The following APH1B variants were observed in gnomAD, a reference collection of about 807,000 sequenced individuals.
APH1B encodes gamma-secretase subunit APH-1B.
In APH1B, 27 loss-of-function variants were observed where a neutral mutation model predicts 28.2. The observed-to-expected ratio is 0.96, with a 90% confidence interval of 0.70 to 1.32. APH1B has a LOEUF of 1.32. Among genes scored for constraint, APH1B ranks in the 40% most tolerant of loss-of-function variants. The pLI, the probability that APH1B is intolerant of heterozygous loss-of-function variation, is 0.00. For synonymous variants in APH1B, 141 were observed against 124.6 expected, an observed-to-expected ratio of 1.13 and a Z score of -0.88; for missense variants, 305 against 313.6, an observed-to-expected ratio of 0.97 and a Z score of 0.21.
At chr15:63,293,743 G>A (rs1236852138) in intron 4 of APH1B, among the ~76,000 whole-genome samples, 4 of 152,010 alleles carry the variant, frequency 2.6e-5, no homozygotes, top group Admixed American at 6.6e-5. Flanking sequence ...TCATCTGCCC[G>A]CTTTGGCCTT....
In APH1B at chr15:63,308,656, C is replaced by T. The variant is rs2038711470; in HGVS notation, c.*2875C>T. On this transcript the variant is annotated 3_prime_UTR_variant, in exon 6 of 6. Transcript: ENST00000261879. ...CCTCCCATTCACCTCAGCCCAGCCC[C>T]AGACAGGCGTTAGCATTCAGTGTGG... 6.6e-6 allele frequency: 1 copy of T among 152,298 alleles called. No individual in the cohort carries two copies. Among genetic ancestry groups the T allele is most frequent in the Non-Finnish European group, 1.5e-5 (1 of 68,098 alleles). 9.4% of individuals were successfully genotyped at this position (152,298 alleles called of 1,614,324 possible).
At chr15:63,282,968 T>G in intron 2 of APH1B, among the ~76,000 whole-genome samples, 1 of 152,184 alleles carries the variant, frequency 6.6e-6, no homozygotes, top group East Asian at 1.9e-4. Context: ...AAATTTGAAT[T>G]GTTTCTTTTT....
At chr15:63,279,542 T>C (rs1026787056) in intron 2 of APH1B, among the ~76,000 whole-genome samples, 10 of 152,306 alleles carry the variant, frequency 6.6e-5, no homozygotes, top group Non-Finnish European at 1.0e-4. Context: ...TTCAAAAAAA[T>C]ATTTCTTGAG....
At chr15:63,297,198 A>G (rs563917201) in intron 4 of APH1B, among the ~76,000 whole-genome samples, 1 of 152,314 alleles carries the variant, frequency 6.6e-6, no homozygotes, top group African/African-American at 2.4e-5. Flanking sequence ...TGATATTCTT[A>G]TGGTTAACTT....
At chr15:63,288,258 A>G (rs1456879397) in intron 4 of APH1B, among the ~76,000 whole-genome samples, 3 of 152,230 alleles carry the variant, frequency 2.0e-5, no homozygotes, top group Non-Finnish European at 2.9e-5. Flanking sequence ...AAAGCTCCTC[A>G]GGGAGCTTAT....
intron 2 of APH1B, among the ~76,000 whole-genome samples, chr15:63,281,636 A>C (rs927226241): frequency 4.6e-5 from 7 of 151,958 alleles, no homozygotes; most frequent in African/African-American, 1.7e-4. Context: ...TGACAAAATG[A>C]GTATGGGCTG....
chr15:63,283,129 T>C (rs1488514499), intron 2 of APH1B, among the ~76,000 whole-genome samples: 1 of 152,228 alleles, frequency 6.6e-6, no homozygotes, highest in East Asian at 1.9e-4. Flanking sequence ...TCCTCCCACG[T>C]ACTTCCATAA....
intron 2 of APH1B, among the ~76,000 whole-genome samples, chr15:63,280,194 A>G (rs923652174): frequency 3.3e-5 from 5 of 152,178 alleles, no homozygotes; most frequent in African/African-American, 1.2e-4. Flanking sequence ...GTAGTTTTAA[A>G]TCTATAATAG....
Position 63,302,372 on chromosome 15 carries a change from T to G in APH1B, c.506T>G (p.Leu169Arg). 6.2e-7 allele frequency: 1 copy of G among 1,614,148 alleles called. No individual in the cohort carries two copies. Among genetic ancestry groups the G allele is most frequent in the Non-Finnish European group, 8.5e-7 (1 of 1,179,998 alleles). The change falls in exon 5 of 6, where the codon CTG becomes CGG. Residue 169 changes from leucine (L) to arginine (R), a missense_variant. Leu to Arg is a moderately radical substitution (Grantham distance 102). Coordinates refer to ENST00000261879, the MANE Select transcript of APH1B (RefSeq NM_031301.4). ...TTCATGACGCTGGTCATTATCTTGC[T>G]GCATGTATTCTGGGGCATTGTATTT... Reference protein sequence around the residue: ...SAFMTLVIILLHVFWGIVFFD... With the variant: ...SAFMTLVIILRHVFWGIVFFD...
intron 4 of APH1B, among the ~76,000 whole-genome samples, chr15:63,302,048 A>G (rs2038635129): frequency 6.6e-6 from 1 of 152,212 alleles, no homozygotes; most frequent in African/African-American, 2.4e-5. Flanking sequence ...GCTCACTGGG[A>G]AAAAGCTGGC....
Position 63,277,806 on chromosome 15 carries a change from C to T in APH1B, c.113+70C>T. 2.1e-6 allele frequency: 3 copies of T among 1,460,706 alleles called. No individual in the cohort carries two copies. The South Asian group carries it at 3.6e-5, about 17-fold the overall frequency. The allele number at this position is 1,460,706 out of a possible 1,614,324, so 90.5% of individuals were successfully genotyped here. A position where few individuals can be genotyped will look rare whatever the true frequency, so the allele number is the denominator to read the frequency against. On this transcript the variant is annotated intron_variant, in intron 1 of 5. Coordinates refer to ENST00000261879, the MANE Select transcript of APH1B (RefSeq NM_031301.4). ...CCCCGCTGGGGTTACCCGCGACCCT[C>T]GGCGCCCCCACCGCGCGGCTCGACC...
intron 4 of APH1B, among the ~76,000 whole-genome samples, chr15:63,295,109 T>G (rs1297068473): frequency 6.6e-6 from 1 of 152,264 alleles, no homozygotes; most frequent in Non-Finnish European, 1.5e-5. Context: ...TCTTATGGGC[T>G]TAGCTTTGCT....
intron 2 of APH1B, among the ~76,000 whole-genome samples, chr15:63,284,397 A>G (rs2038423778): frequency 6.6e-6 from 1 of 152,026 alleles, no homozygotes; most frequent in African/African-American, 2.4e-5. Context: ...TATTTTCTGT[A>G]GAGATGGGGA....
At position 63,296,566 on chromosome 15, in the gene APH1B, C is replaced by T. The variant is rs530559277; in HGVS notation, c.479-5779C>T. Among the ~76,000 whole-genome samples the T allele has an allele frequency of 9.9e-5, 15 of 152,022 alleles. No homozygotes were observed. In the East Asian group the frequency reaches 2.5e-3, roughly 25 times the overall value. ...GCATCGGGAATGAGGGAAAGGAACA[C>T]GTGTGAAAATGAAGGTGCTTATGAA... is the stretch of plus-strand genomic sequence containing the variant. On this transcript the variant is annotated intron_variant, in intron 4 of 5. Coordinates refer to ENST00000261879, the MANE Select transcript of APH1B (RefSeq NM_031301.4).
chr15:63,294,257 A>G (rs1236077941), intron 4 of APH1B, among the ~76,000 whole-genome samples: 1 of 152,122 alleles, frequency 6.6e-6, no homozygotes, highest in Non-Finnish European at 1.5e-5. Flanking sequence ...TACATATTTT[A>G]TTAATTACAT....
At chr15:63,301,916 T>C (rs537340946) in intron 4 of APH1B, among the ~76,000 whole-genome samples, 1 of 152,350 alleles carries the variant, frequency 6.6e-6, no homozygotes, top group African/African-American at 2.4e-5. Context: ...TGGCCATGAT[T>C]TTAATATTTT....
intron 2 of APH1B, among the ~76,000 whole-genome samples, chr15:63,281,542 AAAAAAAAAAC>A (rs1190779465): frequency 5.3e-5 from 7 of 132,724 alleles, no homozygotes; most frequent in South Asian, 2.3e-4. Flanking sequence ...TTGAAAAAAA[AAAAAAAAAAC>A]AAAAAAAAAC....
intron 4 of APH1B, among the ~76,000 whole-genome samples, chr15:63,296,658 CTTTTT>C (rs753821606): frequency 1.5e-5 from 2 of 137,438 alleles, no homozygotes; most frequent in East Asian, 2.1e-4. Context: ...AATGTTGTTT[CTTTTT>C]TTTTTTTTTT....
intron 4 of APH1B, among the ~76,000 whole-genome samples, chr15:63,289,504 C>T (rs915768911): frequency 3.9e-5 from 6 of 152,084 alleles, no homozygotes; most frequent in African/African-American, 1.2e-4. Flanking sequence ...CATTTTTAAT[C>T]CAAAAATCCA....
Sources: allele counts gnomAD v4.1 joint callset (sites outside exome capture counted in the v4.1 genomes callset), GRCh38; gene constraint gnomAD v4.1.1; transcripts MANE v1.5; gene names NCBI Gene and HGNC (gene_info 2026-07-23, HGNC 2026-07-21).